The following SRSF6 variants were observed in gnomAD, a reference collection of about 807,000 sequenced individuals.
SRSF6 encodes serine/arginine-rich splicing factor 6.
In SRSF6, 17 loss-of-function variants were observed where a neutral mutation model predicts 42.0. The observed-to-expected ratio is 0.40, with a 90% CI of 0.28 to 0.61. The LOEUF is 0.61. Among genes scored for constraint, SRSF6 ranks in the 20% least tolerant of loss-of-function variants. SRSF6 has a pLI of 0.37. For missense variants in SRSF6, 379 were observed against 471.4 expected, an observed-to-expected ratio of 0.80 and a Z score of 1.81; for synonymous variants, 204 against 166.7, an observed-to-expected ratio of 1.22 and a Z score of -1.72.
rs186326394 is a variant in SRSF6, at chr20:43,463,810, C to T, written c.*2747C>T. The T allele has an allele frequency of 3.9e-5, 6 of 152,280 alleles. No individual in the cohort carries two copies. The highest frequency in any genetic ancestry group is 3.9e-4 in the East Asian group (2 of 5,182). 9.4% of individuals were successfully genotyped at this position (152,280 alleles called of 1,614,324 possible). A position where few individuals can be genotyped will look rare whatever the true frequency, so the allele number is the denominator to read the frequency against. ...ATTAATCACTGTGCTTCAGTGTCATCCATGAAACTAGGGATAAAACATGCA... is the reference window on the plus strand; with the variant it reads ...ATTAATCACTGTGCTTCAGTGTCATTCATGAAACTAGGGATAAAACATGCA... On this transcript the variant is annotated 3_prime_UTR_variant, in exon 6 of 6. Coordinates refer to ENST00000244020, the MANE Select transcript of SRSF6 (RefSeq NM_006275.6).
chr20:43,459,013 T>C (rs2017545195), intron 2 of SRSF6: 3 of 627,988 alleles, frequency 4.8e-6, no homozygotes, highest in Non-Finnish European at 7.3e-6. Context: ...AAATAAGCTT[T>C]ATGCTGTATT....
chr20:43,461,317 G>C lies in SRSF6; in HGVS notation c.*254G>C. The C allele has an allele frequency of 2.8e-5, 3 of 108,140 alleles. No homozygotes were observed. Among genetic ancestry groups the C allele is most frequent in the East Asian group, 5.8e-4 (2 of 3,426 alleles). 6.7% of individuals were successfully genotyped at this position (108,140 alleles called of 1,614,324 possible). On this transcript the variant is annotated 3_prime_UTR_variant, in exon 6 of 6. Transcript: ENST00000244020. ...TTTGAGCTAACGTAACTTTTGTAAA[G>C]ATTAAGCTCATTTAGTGTTGTTTTT... is the stretch of plus-strand genomic sequence containing the variant.
At chr20:43,458,642 C>G in intron 2 of SRSF6, 133 bp downstream of exon 2, 1 of 940,680 alleles carries the variant, frequency 1.1e-6, no homozygotes, top group Non-Finnish European at 1.5e-6. Context: ...GCCCCGCTGC[C>G]TTCACGTCTG....
At chr20:43,460,012 C>T (rs745408055) in intron 3 of SRSF6, 21 bp from the exon 4 acceptor site, 2 of 1,614,032 alleles carry the variant, frequency 1.2e-6, no homozygotes, top group South Asian at 1.1e-5. Context: ...ATTTCCGAGT[C>T]TGACCAATCT....
chr20:43,459,745 C>T (rs772737357), intron 2 of SRSF6, 26 bp from the exon 3 acceptor site: 6 of 1,612,286 alleles, frequency 3.7e-6, no homozygotes, highest in Admixed American at 1.7e-5. Context: ...TACAAGGCAT[C>T]TAATTGTTCC....
intron 2 of SRSF6, 152 bp downstream of exon 2, chr20:43,458,661 A>G: frequency 1.2e-6 from 1 of 828,612 alleles, no homozygotes; most frequent in South Asian, 2.1e-5. Context: ...TGCCCGGGGC[A>G]GCCATGGGAC....
rs185288373 is a variant in SRSF6 at position 43,462,578 on chromosome 20, C to G, written c.*1515C>G. Reference sequence around the variant, plus strand: ...AGGTGTGACTGGAAAGCATGATATTCTAGGGTTGGTTTGTAGATTCAAATA... The same window carrying G: ...AGGTGTGACTGGAAAGCATGATATTGTAGGGTTGGTTTGTAGATTCAAATA... On this transcript the variant is annotated 3_prime_UTR_variant, in exon 6 of 6. Coordinates refer to ENST00000244020, the MANE Select transcript of SRSF6 (RefSeq NM_006275.6). 13 of 152,250 alleles carry G rather than the reference C, an allele frequency of 8.5e-5. No individual in the cohort carries two copies. The highest frequency in any genetic ancestry group is 3.1e-4 in the African/African-American group (13 of 41,558). 9.4% of individuals were successfully genotyped at this position (152,250 alleles called of 1,614,324 possible).
rs758009022 is a variant in SRSF6 at position 43,458,005 on chromosome 20, C to T, written c.-29C>T. On this transcript the variant is annotated 5_prime_UTR_variant, in exon 1 of 6. Transcript: ENST00000244020. The stretch of plus-strand genomic sequence containing the variant: ...GGCTTGCGGTCCGCCGTTCGACAAC[C>T]AGCCCTTGGGTCCCCGCCCGCCACG... 8.8e-6 allele frequency: 14 copies of T among 1,588,874 alleles called. No individual in the cohort carries two copies. The Admixed American group carries it at 2.4e-4, about 27-fold the overall frequency.
rs377495790 is a variant in SRSF6 at position 43,460,197 on chromosome 20, G to A, written c.546G>A (p.Lys182=). 1.4e-5 allele frequency: 22 copies of A among 1,613,952 alleles called. No homozygotes were observed. Among genetic ancestry groups the A allele is most frequent in the Non-Finnish European group, 1.8e-5 (21 of 1,179,984 alleles). ...GAAATATTAGGCTTATTGAAGATAAGCCACGCACAAGCCATAGGCGATCTT... is the reference window on the plus strand; with the variant it reads ...GAAATATTAGGCTTATTGAAGATAAACCACGCACAAGCCATAGGCGATCTT... ...NGRNIRLIED[K]PRTSHRRSYS... Residue 182 remains lysine (K), a synonymous_variant, in exon 4 of 6, where the codon AAG becomes AAA. Transcript: ENST00000244020.
rs760481781 is a variant in SRSF6, at chr20:43,459,911, C to G, written c.381+16C>G. 6.3e-6 allele frequency: 10 copies of G among 1,599,060 alleles called. No individual in the cohort carries two copies. Among genetic ancestry groups the G allele is most frequent in the Non-Finnish European group, 8.5e-6 (10 of 1,173,742 alleles). On this transcript the variant is annotated intron_variant, in intron 3 of 5. Transcript: ENST00000244020. ...AGATTTAAAGGTATGTTTTGTAATTCAAGATAGAAATGATATGACTAATGC... is the reference window on the plus strand; with the variant it reads ...AGATTTAAAGGTATGTTTTGTAATTGAAGATAGAAATGATATGACTAATGC...
chr20:43,459,742 C>T lies in SRSF6; in HGVS notation c.257-29C>T, dbSNP rs780980338. 4 of 1,612,198 alleles carry T rather than the reference C, an allele frequency of 2.5e-6. No homozygotes were observed. In the South Asian group the frequency reaches 3.3e-5, roughly 13 times the overall value. On this transcript the variant is annotated intron_variant, in intron 2 of 5. Coordinates refer to ENST00000244020, the MANE Select transcript of SRSF6 (RefSeq NM_006275.6). ...ATTATGCGTTTTTATCATTACAAGG[C>T]ATCTAATTGTTCCCTTCATGTGATA...
rs1282682333 is a variant in SRSF6 at position 43,458,478 on chromosome 20, C to T, written c.225C>T (p.Arg75=). The T allele has an allele frequency of 3.3e-6, 5 of 1,512,450 alleles. No homozygotes were observed. Among genetic ancestry groups the T allele is most frequent in the Admixed American group, 2.1e-5 (1 of 47,626 alleles). The allele number at this position is 1,512,450 out of a possible 1,614,324, so 93.7% of individuals were successfully genotyped here. A position where few individuals can be genotyped will look rare whatever the true frequency, so the allele number is the denominator to read the frequency against. The change falls in exon 2 of 6, where the codon CGC becomes CGT. Residue 75 remains arginine (R), a synonymous_variant. Coordinates refer to ENST00000244020, the MANE Select transcript of SRSF6 (RefSeq NM_006275.6). ...VIVEHARGPR[R]DRDGYSYGSR... ...TAGAGCACGCCCGGGGCCCGCGTCG[C>T]GATCGCGACGGCTACAGCTACGGAA...
At chr20:43,459,407 CCT>C in intron 2 of SRSF6, 1 of 1,316,044 alleles carries the variant, frequency 7.6e-7, no homozygotes, top group Non-Finnish European at 1.0e-6. Flanking sequence ...CCACCAAAAA[CCT>C]CACACTGTGA....
At position 43,461,334 on chromosome 20, in the gene SRSF6, GTTGTTTTTTTTTTTTTTTTTTTTTTTTT is replaced by G. The variant is rs2017588773; in HGVS notation, c.*274_*301del. On this transcript the variant is annotated 3_prime_UTR_variant, in exon 6 of 6. Transcript: ENST00000244020. ...TTTGTAAAGATTAAGCTCATTTAGT[GTTGTTTTTTTTTTTTTTTTTTTTTTTTT>G]TTTTTTTTTTTTAGTATTTCAGCAG... The G allele has an allele frequency of 1.8e-5, 1 of 56,458 alleles. No individual in the cohort carries two copies. The highest frequency in any genetic ancestry group is 2.3e-4 in the Admixed American group (1 of 4,380). The allele number at this position is 56,458 out of a possible 1,614,324, so 3.5% of individuals were successfully genotyped here. A position where few individuals can be genotyped will look rare whatever the true frequency, so the allele number is the denominator to read the frequency against.
rs1475584014 is a variant in SRSF6, at chr20:43,461,357, T to G, written c.*294T>G. ...GTGTTGTTTTTTTTTTTTTTTTTTT[T>G]TTTTTTTTTTTTTTTTTAGTATTTC... On this transcript the variant is annotated 3_prime_UTR_variant, in exon 6 of 6. Coordinates refer to ENST00000244020, the MANE Select transcript of SRSF6 (RefSeq NM_006275.6). 166 of 244,758 alleles carry G rather than the reference T, an allele frequency of 6.8e-4. 1 individual carries two copies. The highest frequency in any genetic ancestry group is 3.3e-3 in the African/African-American group (134 of 40,456). The allele number at this position is 244,758 out of a possible 1,614,324, so 15.2% of individuals were successfully genotyped here.
Position 43,460,596 on chromosome 20 carries a change from C to T in SRSF6, c.672C>T (p.Ser224=). The T allele has an allele frequency of 1.2e-6, 2 of 1,614,028 alleles. No individual in the cohort carries two copies. The highest frequency in any genetic ancestry group is 1.7e-6 in the Non-Finnish European group (2 of 1,179,992). The part of the protein sequence containing the change: ...SRSRSISKSR[S]RSRSRSKGRS... ...CTCGAAGTATCTCAAAAAGTCGCTCCCGGTAAATAACGTTGTGTTGAGTCA... is the reference window on the plus strand; with the variant it reads ...CTCGAAGTATCTCAAAAAGTCGCTCTCGGTAAATAACGTTGTGTTGAGTCA... Residue 224 remains serine, a splice_region_variant and synonymous_variant, in exon 5 of 6, where the codon TCC becomes TCT. Transcript: ENST00000244020.
In SRSF6 at chr20:43,463,168, T is replaced by C. The variant is rs990501854; in HGVS notation, c.*2105T>C. 9 of 154,354 alleles carry C rather than the reference T, an allele frequency of 5.8e-5. No homozygotes were observed. The highest frequency in any genetic ancestry group is 5.2e-4 in the Admixed American group (8 of 15,286). 9.6% of individuals were successfully genotyped at this position (154,354 alleles called of 1,614,324 possible). ...AGCTGCCACAGTAAGCAGGTCATTG[T>C]ATAGGTAAATGCCTGCACCCATAAT... On this transcript the variant is annotated 3_prime_UTR_variant, in exon 6 of 6. Coordinates refer to ENST00000244020, the MANE Select transcript of SRSF6 (RefSeq NM_006275.6).
In SRSF6 at chr20:43,463,028, A is replaced by T. The variant is rs2017629887; in HGVS notation, c.*1965A>T. The T allele has an allele frequency of 6.6e-6, 1 of 152,316 alleles. No homozygotes were observed. Among genetic ancestry groups the T allele is most frequent in the Admixed American group, 6.5e-5 (1 of 15,276 alleles). 9.4% of individuals were successfully genotyped at this position (152,316 alleles called of 1,614,324 possible). On this transcript the variant is annotated 3_prime_UTR_variant, in exon 6 of 6. Transcript: ENST00000244020. ...GAACTACAGCCTTTTTAAAAGAGGG[A>T]TGGGAGGATATTACAGTAAGAAATT...
chr20:43,460,463 G>A, intron 4 of SRSF6, 52 bp from the exon 5 acceptor site: 1 of 1,576,706 alleles, frequency 6.3e-7, no homozygotes, highest in Non-Finnish European at 8.7e-7. Flanking sequence ...AGATGGCACG[G>A]ATGTATTTAA....
Sources: allele counts gnomAD v4.1 joint callset, GRCh38; gene constraint gnomAD v4.1.1; transcripts MANE v1.5; gene names NCBI Gene and HGNC (gene_info 2026-07-23, HGNC 2026-07-21).